Variants in AHCYL1 observed in about 807,000 individuals in gnomAD.
The protein encoded by AHCYL1 is adenosylhomocysteinase like 1.
AHCYL1 carries 20 observed loss-of-function variants against 79.3 expected under a neutral mutation model. The ratio of observed to expected loss-of-function variants is 0.25; its 90% confidence interval spans 0.18 to 0.37. AHCYL1 has a LOEUF of 0.37. AHCYL1 is among the 10% of genes least tolerant of loss of function. The pLI, the probability that AHCYL1 is intolerant of heterozygous loss-of-function variation, is 1.00. For missense variants in AHCYL1, 330 were observed against 673.6 expected, an observed-to-expected ratio of 0.49 and a Z score of 5.65; for synonymous variants, 223 against 242.2, an observed-to-expected ratio of 0.92 and a Z score of 0.74.
chr1:109,994,356 G>A (rs1444209070), intron 1 of AHCYL1, among the ~76,000 whole-genome samples: 6 of 152,152 alleles, frequency 3.9e-5, no homozygotes, highest in South Asian at 2.1e-4. Context: ...TCCACCTCCC[G>A]GGTTCAAACA....
At chr1:110,009,176 A>C in intron 2 of AHCYL1, 31 bp downstream of exon 2, 1 of 1,568,260 alleles carries the variant, frequency 6.4e-7, no homozygotes, top group Non-Finnish European at 8.8e-7. Context: ...TGTCCTCTCT[A>C]ATCTCTCTTC....
intron 7 of AHCYL1, among the ~76,000 whole-genome samples, 172 bp downstream of exon 7, chr1:110,015,703 A>G (rs1313730648): frequency 6.6e-6 from 1 of 152,160 alleles, no homozygotes; most frequent in Non-Finnish European, 1.5e-5. Context: ...GAAGGAAGTT[A>G]TTTCAGGTTC....
chr1:109,993,534 C>T (rs1416681214), intron 1 of AHCYL1, among the ~76,000 whole-genome samples: 1 of 152,208 alleles, frequency 6.6e-6, no homozygotes, highest in African/African-American at 2.4e-5. Flanking sequence ...GACTCACTTT[C>T]CCTTTCAGTT....
At chr1:110,013,174 G>A (rs533543331) in intron 5 of AHCYL1, among the ~76,000 whole-genome samples, 175 bp downstream of exon 5, 1 of 152,264 alleles carries the variant, frequency 6.6e-6, no homozygotes, top group East Asian at 1.9e-4. Context: ...GATATCCATG[G>A]TGGAATATTA....
intron 4 of AHCYL1, 54 bp downstream of exon 4, chr1:110,012,516 A>AT (rs879624005): frequency 0.07 from 72,271 of 1,030,846 alleles, no homozygotes; most frequent in Non-Finnish European, 0.075. Flanking sequence ...AAAGAAATCA[A>AT]TTTTTTTTTT....
intron 15 of AHCYL1, among the ~76,000 whole-genome samples, chr1:110,019,888 T>A (rs1651679551): frequency 6.6e-6 from 1 of 152,224 alleles, no homozygotes; most frequent in South Asian, 2.1e-4. Context: ...TAGGGAGATG[T>A]TCTTACTCTA....
chr1:109,984,983 AGGCGGGCG>A lies in AHCYL1; in HGVS notation c.-65_-58del, dbSNP rs943658987. ...GCGTGTCGGAGGGCGCCGCGCGGGCAGGCGGGCGGGCGCCAGAGGGGGAAAGAGGCGGG... is the reference window on the plus strand; with the variant it reads ...GCGTGTCGGAGGGCGCCGCGCGGGCAGGCGCCAGAGGGGGAAAGAGGCGGG... On this transcript the variant is annotated 5_prime_UTR_variant, in exon 1 of 17. Coordinates refer to ENST00000369799, the MANE Select transcript of AHCYL1 (RefSeq NM_006621.7). The A allele has an allele frequency of 2.4e-5, 33 of 1,374,562 alleles. No individual in the cohort carries two copies. The highest frequency in any genetic ancestry group is 3.1e-5 in the Non-Finnish European group (33 of 1,065,938). The allele number at this position is 1,374,562 out of a possible 1,614,324, so 85.1% of individuals were successfully genotyped here.
chr1:109,995,563 A>G (rs1351381270), intron 1 of AHCYL1: 14 of 546,774 alleles, frequency 2.6e-5, no homozygotes, highest in Non-Finnish European at 3.0e-5. Context: ...TGAACAAGGC[A>G]TATCTAATGC....
chr1:110,003,352 G>T (rs1650430119), intron 1 of AHCYL1, among the ~76,000 whole-genome samples: 1 of 152,060 alleles, frequency 6.6e-6, no homozygotes, highest in Non-Finnish European at 1.5e-5. Flanking sequence ...TATATATAGA[G>T]AGAGAAAAAA....
chr1:110,016,043 G>C (rs1261083407), intron 7 of AHCYL1, among the ~76,000 whole-genome samples: 1 of 151,886 alleles, frequency 6.6e-6, no homozygotes, highest in Non-Finnish European at 1.5e-5. Flanking sequence ...AGTAGGCATG[G>C]GTTTCTATTG....
intron 2 of AHCYL1, among the ~76,000 whole-genome samples, chr1:110,010,302 T>G (rs1368916115): frequency 1.3e-5 from 2 of 152,196 alleles, no homozygotes; most frequent in African/African-American, 4.8e-5. Context: ...TTGTGTTAGC[T>G]GGACAGGAGG....
intron 13 of AHCYL1, 57 bp downstream of exon 13, chr1:110,018,707 A>G (rs1651589237): frequency 7.4e-7 from 1 of 1,347,222 alleles, no homozygotes; most frequent in African/African-American, 1.4e-5. Context: ...TAGATCTATG[A>G]GGGGGGAGGG....
At chr1:110,012,870 A>G (rs1651133415) in intron 4 of AHCYL1, 27 bp from the exon 5 acceptor site, 1 of 1,583,092 alleles carries the variant, frequency 6.3e-7, no homozygotes, top group African/African-American at 1.4e-5. Flanking sequence ...TCTCTTCCTC[A>G]CCCTGTCTTC....
chr1:110,014,885 T>C, intron 6 of AHCYL1, 28 bp downstream of exon 6: 1 of 1,584,234 alleles, frequency 6.3e-7, no homozygotes, highest in Non-Finnish European at 8.7e-7. Context: ...TCCTACACTT[T>C]GACAATAGAT....
At chr1:110,019,159 G>A (rs1166172604) in intron 14 of AHCYL1, 40 bp downstream of exon 14, 1 of 1,583,598 alleles carries the variant, frequency 6.3e-7, no homozygotes, top group Non-Finnish European at 8.7e-7. Context: ...ACTGCAATTT[G>A]TGGAACTGGG....
chr1:110,020,974 C>A, intron 16 of AHCYL1, 123 bp downstream of exon 16: 1 of 1,415,914 alleles, frequency 7.1e-7, no homozygotes, highest in Non-Finnish European at 9.4e-7. Flanking sequence ...AAATCTGTTC[C>A]AGGCCAGGCA....
chr1:109,995,179 G>T (rs1003247891), intron 1 of AHCYL1, among the ~76,000 whole-genome samples: 17 of 152,194 alleles, frequency 1.1e-4, no homozygotes, highest in African/African-American at 4.1e-4. Context: ...GAACACCTGT[G>T]TTAAGCACCT....
chr1:109,993,381 G>A (rs1203611671), intron 1 of AHCYL1, among the ~76,000 whole-genome samples: 37 of 152,144 alleles, frequency 2.4e-4, no homozygotes, highest in Non-Finnish European at 1.0e-4. Context: ...TTTCTAGATG[G>A]AATATGTTGA....
chr1:110,009,775 A>T (rs1257477486), intron 2 of AHCYL1, among the ~76,000 whole-genome samples: 2 of 152,200 alleles, frequency 1.3e-5, no homozygotes, highest in African/African-American at 4.8e-5. Flanking sequence ...TTTCCCAACT[A>T]TAGAGCATGT....
Sources: gnomAD v4.1 joint callset for allele counts (sites outside exome capture counted in the v4.1 genomes callset) on GRCh38, gnomAD v4.1.1 for gene constraint, MANE v1.5 for transcripts, NCBI Gene and HGNC (gene_info 2026-07-23, HGNC 2026-07-21) for gene names.